The following SLC7A8 variants were observed in gnomAD, a reference collection of about 807,000 sequenced individuals.
SLC7A8 encodes the protein solute carrier family 7 member 8, also known as large neutral amino acids transporter small subunit 2.
A neutral mutation model predicts 51.2 loss-of-function variants in SLC7A8; 30 were observed. The ratio of observed to expected loss-of-function variants is 0.59; its 90% CI spans 0.44 to 0.80. The LOEUF (loss-of-function observed/expected upper bound fraction) is 0.80, where lower values mean the gene tolerates loss of function less well. SLC7A8 is among the 30% of genes least tolerant of loss of function. SLC7A8 has a pLI of 0.00. For missense variants in SLC7A8, 612 were observed against 674.4 expected, an observed-to-expected ratio of 0.91 and a Z score of 1.03; for synonymous variants, 257 against 275.8, an observed-to-expected ratio of 0.93 and a Z score of 0.67.
At chr14:23,154,998 CAAAAAAAAAA>C (rs33973055) in intron 3 of SLC7A8, among the ~76,000 whole-genome samples, 2 of 89,438 alleles carry the variant, frequency 2.2e-5, no homozygotes, top group Non-Finnish European at 4.3e-5. Flanking sequence ...ACACAACAGA[CAAAAAAAAAA>C]AAAAAAAAAA....
Position 23,165,215 on chromosome 14 carries a change from T to C in SLC7A8, c.508+70A>G. 7.1e-7 allele frequency: 1 copy of C among 1,410,272 alleles called. No homozygotes were observed. The allele number at this position is 1,410,272 out of a possible 1,614,324, so 87.4% of individuals were successfully genotyped here. A position where few individuals can be genotyped will look rare whatever the true frequency, so the allele number is the denominator to read the frequency against. On this transcript the variant is annotated intron_variant, in intron 3 of 10. Transcript: ENST00000316902. The surrounding 1 kb of genome is among the most constrained non-coding windows in gnomAD (Gnocchi z 4.2). ...CCTGAGTGACAGAGTGAAGACTCTG[T>C]TTCTAAAAATAATAATAATAAATAT...
At chr14:23,153,653 C>A (rs1319177325) in intron 3 of SLC7A8, among the ~76,000 whole-genome samples, 1 of 152,156 alleles carries the variant, frequency 6.6e-6, no homozygotes, top group Non-Finnish European at 1.5e-5. Context: ...TTTAGAAAGT[C>A]ATTTCCCACA....
intron 10 of SLC7A8, 36 bp downstream of exon 10, chr14:23,127,983 A>G (rs754007667): frequency 6.3e-7 from 1 of 1,590,626 alleles, no homozygotes; most frequent in East Asian, 2.2e-5. Flanking sequence ...CCAGCCCAGG[A>G]GGCCCTGAAG....
chr14:23,127,928 TCCTGGC>T (rs1222914480), intron 10 of SLC7A8, 85 bp downstream of exon 10: 1 of 1,146,220 alleles, frequency 8.7e-7, no homozygotes, highest in African/African-American at 1.5e-5. Flanking sequence ...AGCCTAGATC[TCCTGGC>T]CCTGGTGGCT....
chr14:23,161,841 C>A (rs190629914), intron 3 of SLC7A8, among the ~76,000 whole-genome samples: 1 of 149,912 alleles, frequency 6.7e-6, no homozygotes, highest in Non-Finnish European at 1.5e-5. Flanking sequence ...GCAGGAGAAT[C>A]GCTTGAACCC....
chr14:23,160,962 T>C (rs74242677), intron 3 of SLC7A8, among the ~76,000 whole-genome samples: 5 of 111,664 alleles, frequency 4.5e-5, no homozygotes, highest in East Asian at 2.2e-4. Context: ...CTCTCTCTCT[T>C]TTTTTTCTTT....
intron 7 of SLC7A8, 134 bp downstream of exon 7, chr14:23,137,787 A>G: frequency 1.8e-6 from 2 of 1,085,900 alleles, no homozygotes; most frequent in South Asian, 3.0e-5. Context: ...TCATGTGAGC[A>G]GTCACCCCTC....
At chr14:23,147,285 GT>G (rs1277389865) in intron 3 of SLC7A8, among the ~76,000 whole-genome samples, 1 of 152,146 alleles carries the variant, frequency 6.6e-6, no homozygotes, top group Non-Finnish European at 1.5e-5. Context: ...GGGCCTACAT[GT>G]ACTAGGCATT....
chr14:23,155,271 A>C, intron 3 of SLC7A8: 2 of 1,536,148 alleles, frequency 1.3e-6, no homozygotes. Context: ...AGGAGGGTGC[A>C]GAGAAGCTGT....
At chr14:23,146,851 C>T (rs1261858168) in intron 3 of SLC7A8, 2 of 152,190 alleles carry the variant, frequency 1.3e-5, no homozygotes, top group Non-Finnish European at 1.5e-5. Context: ...AGCCTCCACC[C>T]AGAGAGGAAA....
At chr14:23,153,688 C>T (rs2048867037) in intron 3 of SLC7A8, among the ~76,000 whole-genome samples, 1 of 152,132 alleles carries the variant, frequency 6.6e-6, no homozygotes, top group African/African-American at 2.4e-5. Flanking sequence ...GGGTCCCCTC[C>T]CACCAGCCCC....
chr14:23,165,505 G>C lies in SLC7A8; in HGVS notation c.357-69C>G. 1 of 1,467,626 alleles carries C rather than the reference G, an allele frequency of 6.8e-7. No homozygotes were observed. The highest frequency in any genetic ancestry group is 9.1e-7 in the Non-Finnish European group (1 of 1,102,612). The allele number at this position is 1,467,626 out of a possible 1,614,324, so 90.9% of individuals were successfully genotyped here. ...GCAGAGCCATCAGGGGAGAGCCCGG[G>C]CAAGTCATGCATCTCTTTTTTATTT... On this transcript the variant is annotated intron_variant, in intron 2 of 10. Coordinates refer to ENST00000316902, the MANE Select transcript of SLC7A8 (RefSeq NM_012244.4). The surrounding 1 kb of genome is among the most constrained non-coding windows in gnomAD (Gnocchi z 4.2).
Position 23,152,763 on chromosome 14 carries a change from T to C in SLC7A8, c.509-9559A>G, listed in dbSNP as rs572831304. 8.5e-5 allele frequency among the ~76,000 whole-genome samples: 13 copies of C among 152,156 alleles called. 1 individual carries two copies. In the South Asian group the frequency reaches 1.2e-3, roughly 15 times the overall value. On this transcript the variant is annotated intron_variant, in intron 3 of 10. Transcript: ENST00000316902. ...TTGGATACAGGACTCTGGCTTCTCA[T>C]TGAGCTGGGCCAGCAGGGGGTCATT...
intron 5 of SLC7A8, 121 bp from the exon 6 acceptor site, chr14:23,139,668 T>G: frequency 4.0e-6 from 5 of 1,246,756 alleles, no homozygotes; most frequent in Non-Finnish European, 4.4e-6. Context: ...TCTGTGAGGC[T>G]TCCTTTCCCT....
chr14:23,174,650 T>C (rs905867961), intron 1 of SLC7A8, among the ~76,000 whole-genome samples: 2 of 152,234 alleles, frequency 1.3e-5, no homozygotes, highest in Non-Finnish European at 2.9e-5. Flanking sequence ...TAGAATATAA[T>C]GTGCTCGGTG....
In SLC7A8 at chr14:23,131,530, G is replaced by C; in HGVS notation, c.1044C>G (p.Gly348=). Residue 348 remains glycine, a synonymous_variant, in exon 8 of 11, where the codon GGC becomes GGG. Transcript: ENST00000316902. ...TCATGGCCAACACACTGGGAAGGTG[G>C]CCCTCTCGGGCTCCAGCGAAGAACA... The part of the protein sequence containing the change: ...SRLFFAGARE[G]HLPSVLAMIH... The C allele has an allele frequency of 6.2e-7, 1 of 1,606,940 alleles. No individual in the cohort carries two copies. Among genetic ancestry groups the C allele is most frequent in the Non-Finnish European group, 8.5e-7 (1 of 1,176,990 alleles).
intron 6 of SLC7A8, chr14:23,138,256 T>C (rs1447291323): frequency 5.8e-6 from 3 of 516,576 alleles, no homozygotes; most frequent in African/African-American, 3.9e-5. Flanking sequence ...ATAATAATAA[T>C]GAACTAACAC....
intron 1 of SLC7A8, among the ~76,000 whole-genome samples, chr14:23,180,164 C>T (rs1877109110): frequency 6.6e-6 from 1 of 152,106 alleles, no homozygotes; most frequent in Non-Finnish European, 1.5e-5. Flanking sequence ...CCTTGGCCTC[C>T]CAAAGTGCTG....
At chr14:23,154,706 C>T (rs2048876979) in intron 3 of SLC7A8, among the ~76,000 whole-genome samples, 2 of 152,100 alleles carry the variant, frequency 1.3e-5, no homozygotes. Flanking sequence ...CCACGCAGGC[C>T]ACACGGAACA....
Sources: gnomAD v4.1 joint callset for allele counts (sites outside exome capture counted in the v4.1 genomes callset) on GRCh38, gnomAD v4.1.1 for gene constraint, Gnocchi (gnomAD v3.1) non-coding constraint, MANE v1.5 for transcripts, NCBI Gene and HGNC (gene_info 2026-07-23, HGNC 2026-07-21) for gene names.